Variants in PHACTR1 observed in about 807,000 individuals in gnomAD.
PHACTR1 encodes phosphatase and actin regulator 1.
A neutral mutation model predicts 69.2 loss-of-function variants in PHACTR1; 16 were observed. The observed-to-expected ratio is 0.23, with a 90% CI of 0.16 to 0.35. The LOEUF (loss-of-function observed/expected upper bound fraction) is 0.35, where lower values mean the gene tolerates loss of function less well. Ranked by LOEUF, PHACTR1 falls within the 10% of genes least tolerant of loss-of-function variation. The pLI, the probability that PHACTR1 is intolerant of heterozygous loss-of-function variation, is 1.00. For synonymous variants in PHACTR1, 312 were observed against 284.5 expected (o/e 1.10, Z -0.97); for missense variants, 510 against 734.7 (o/e 0.69, Z 3.54).
chr6:13,118,049 T>C (rs1818072844), intron 5 of PHACTR1, among the ~76,000 whole-genome samples: 2 of 152,256 alleles, frequency 1.3e-5, no homozygotes, highest in South Asian at 4.1e-4. Context: ...AGAAGCTAGA[T>C]GGAATCAAAT....
intron 4 of PHACTR1, among the ~76,000 whole-genome samples, chr6:12,774,540 C>A (rs1266360411): frequency 6.6e-6 from 1 of 151,986 alleles, no homozygotes; most frequent in African/African-American, 2.4e-5. Context: ...TACAGGTGCC[C>A]ACCACCACAC....
chr6:12,970,628 T>C (rs1009494630), intron 4 of PHACTR1, among the ~76,000 whole-genome samples: 3 of 152,130 alleles, frequency 2.0e-5, no homozygotes, highest in Non-Finnish European at 4.4e-5. Flanking sequence ...TGGTGGTGTG[T>C]GCCTGTAGTC....
At chr6:12,812,780 A>C (rs769650851) in intron 4 of PHACTR1, among the ~76,000 whole-genome samples, 1 of 152,214 alleles carries the variant, frequency 6.6e-6, no homozygotes, top group South Asian at 2.1e-4. Flanking sequence ...CATGATTGTT[A>C]GGACTCAAAA....
At chr6:13,050,608 C>T (rs551334412) in intron 4 of PHACTR1, among the ~76,000 whole-genome samples, 1 of 152,122 alleles carries the variant, frequency 6.6e-6, no homozygotes, top group African/African-American at 2.4e-5. Flanking sequence ...GCCTACTGAC[C>T]CCCAAATCAA....
At chr6:12,946,703 G>GT (rs985097259) in intron 4 of PHACTR1, among the ~76,000 whole-genome samples, 2 of 151,930 alleles carry the variant, frequency 1.3e-5, no homozygotes, top group African/African-American at 4.8e-5. Flanking sequence ...AGAGTAAGTG[G>GT]TATTGCAGAA....
At chr6:12,998,629 A>G (rs1157562349) in intron 4 of PHACTR1, among the ~76,000 whole-genome samples, 1 of 149,094 alleles carries the variant, frequency 6.7e-6, no homozygotes, top group Admixed American at 6.7e-5. Flanking sequence ...AAAAAAAAAG[A>G]AAAGAAAAAG....
intron 4 of PHACTR1, among the ~76,000 whole-genome samples, chr6:12,797,124 C>G (rs1218109078): frequency 1.3e-5 from 2 of 151,702 alleles, no homozygotes; most frequent in South Asian, 4.2e-4. Flanking sequence ...TGAGGCCTTC[C>G]AGGAGTAATG....
intron 11 of PHACTR1, chr6:13,273,207 A>G (rs1778141233): frequency 5.4e-6 from 2 of 370,064 alleles, no homozygotes; most frequent in Admixed American, 8.8e-5. Context: ...ACCACTTATT[A>G]TTTAATGATT....
intron 5 of PHACTR1, among the ~76,000 whole-genome samples, chr6:13,096,922 A>G (rs1469856943): frequency 6.6e-6 from 1 of 152,222 alleles, no homozygotes; most frequent in African/African-American, 2.4e-5. Flanking sequence ...ATCTGTGTGC[A>G]ATAAGAAAAA....
intron 10 of PHACTR1, among the ~76,000 whole-genome samples, chr6:13,260,015 A>C (rs1184715011): frequency 6.6e-6 from 1 of 152,198 alleles, no homozygotes; most frequent in Non-Finnish European, 1.5e-5. Context: ...ATGCCTTCCC[A>C]TACGCCCAGC....
intron 4 of PHACTR1, among the ~76,000 whole-genome samples, chr6:12,904,092 A>G (rs948307159): frequency 2.6e-5 from 4 of 152,206 alleles, no homozygotes; most frequent in Admixed American, 6.5e-5. Context: ...ACATATCTCC[A>G]GCATATCATG....
At chr6:13,209,111 T>A (rs1766401688) in intron 8 of PHACTR1, among the ~76,000 whole-genome samples, 1 of 151,988 alleles carries the variant, frequency 6.6e-6, no homozygotes, top group Non-Finnish European at 1.5e-5. Flanking sequence ...ACAAAGACCA[T>A]CCCAGAGGCC....
chr6:13,068,524 A>G (rs771876724), intron 5 of PHACTR1, among the ~76,000 whole-genome samples: 2 of 152,168 alleles, frequency 1.3e-5, no homozygotes, highest in East Asian at 1.9e-4. Context: ...TGGATGGTGT[A>G]TGGATAACTT....
chr6:13,141,724 CT>C (rs577073698), intron 5 of PHACTR1, among the ~76,000 whole-genome samples: 1,298 of 89,824 alleles, frequency 0.014, 15 homozygotes, highest in African/African-American at 0.044. Flanking sequence ...TTTCTTCTTT[CT>C]TTTTTTTTTT....
At chr6:12,811,031 T>G (rs1427600559) in intron 4 of PHACTR1, among the ~76,000 whole-genome samples, 1 of 149,012 alleles carries the variant, frequency 6.7e-6, no homozygotes, top group Non-Finnish European at 1.5e-5. Context: ...GTAGATTCAG[T>G]GGGTGCTCTG....
In PHACTR1 at chr6:13,142,121, T is replaced by C. The variant is rs571628290; in HGVS notation, c.416-18083T>C. 1.7e-4 allele frequency among the ~76,000 whole-genome samples: 26 copies of C among 152,206 alleles called. No individual in the cohort carries two copies. The South Asian group carries it at 5.4e-3, about 32-fold the overall frequency. ...TAAGGTTGAAGGTTTCATTATTCAA[T>C]TAAAATAAAAGCAGTTGAAAGAAAT... On this transcript the variant is annotated intron_variant, in intron 5 of 14. Transcript: ENST00000332995.
intron 5 of PHACTR1, among the ~76,000 whole-genome samples, chr6:13,106,082 A>G (rs1031514439): frequency 6.6e-6 from 1 of 152,216 alleles, no homozygotes; most frequent in African/African-American, 2.4e-5. Flanking sequence ...ATATAGTTAA[A>G]GGAGGAAGTA....
chr6:13,077,059 T>G (rs897542747), intron 5 of PHACTR1, among the ~76,000 whole-genome samples: 1 of 147,338 alleles, frequency 6.8e-6, no homozygotes, highest in Non-Finnish European at 1.5e-5. Flanking sequence ...ACCTGCACAA[T>G]GTGCACATGT....
chr6:13,025,603 A>G (rs1801565868), intron 4 of PHACTR1, among the ~76,000 whole-genome samples: 1 of 152,120 alleles, frequency 6.6e-6, no homozygotes, highest in African/African-American at 2.4e-5. Context: ...ATTTAATTCT[A>G]GGAAGACGAC....
Sources: gnomAD v4.1 joint callset for allele counts (sites outside exome capture counted in the v4.1 genomes callset) on GRCh38, gnomAD v4.1.1 for gene constraint, MANE v1.5 for transcripts, NCBI Gene and HGNC (gene_info 2026-07-23, HGNC 2026-07-21) for gene names.